CHRNB4: variants seen among roughly 807,000 people sequenced by gnomAD.
CHRNB4 encodes the protein neuronal acetylcholine receptor subunit beta-4.
Under a neutral mutation model 40.4 loss-of-function variants are expected in CHRNB4, and 23 were observed. The observed-to-expected ratio is 0.57, with a 90% CI of 0.41 to 0.81. The LOEUF (loss-of-function observed/expected upper bound fraction) is 0.81. Ranked by LOEUF, CHRNB4 falls within the 30% of genes least tolerant of loss-of-function variation. The pLI is 0.00. For missense variants in CHRNB4, 568 were observed against 670.6 expected, an observed-to-expected ratio of 0.85 and a Z score of 1.69; for synonymous variants, 285 against 274.4, an observed-to-expected ratio of 1.04 and a Z score of -0.38.
upstream of CHRNB4, chr15:78,661,489 T>G: frequency 1.9e-6 from 1 of 521,058 alleles, no homozygotes; most frequent in South Asian, 1.6e-5. Context: ...AATATGGAGT[T>G]GATTTGTCTG....
upstream of CHRNB4, among the ~76,000 whole-genome samples, chr15:78,644,245 G>T (rs2054106039): frequency 2.0e-5 from 3 of 150,816 alleles, no homozygotes; most frequent in South Asian, 6.3e-4. Context: ...CTTTCATGAA[G>T]AGTGTTGCTA....
chr15:78,656,541 AAC>A (rs1256121561), exon 4 of CHRNB4: 5 of 151,392 alleles, frequency 3.3e-5, no homozygotes, highest in African/African-American at 1.2e-4. Flanking sequence ...AGAATAAAGT[AAC>A]ACAAAGCAAA....
intron 7 of CHRNB4, among the ~76,000 whole-genome samples, chr15:78,647,573 GCA>G (rs1567137603): frequency 2.6e-5 from 4 of 151,618 alleles, no homozygotes; most frequent in Admixed American, 1.3e-4. Flanking sequence ...TCAGCCGGGT[GCA>G]GTGGCTCACG....
rs185140914 is a variant in CHRNB4 at position 78,651,686 on chromosome 15, G to C, written c.-16+892C>G. 2.6e-4 allele frequency among the ~76,000 whole-genome samples: 39 copies of C among 152,282 alleles called. No individual in the cohort carries two copies. In the East Asian group the frequency reaches 5.2e-3, roughly 20 times the overall value. ...AATCCCTTAGCCCATAACTCACATG[G>C]TTCTGTTTCTTCCCTGACTGAATCC... is the stretch of plus-strand genomic sequence containing the variant. On this transcript the variant is annotated intron_variant and NMD_transcript_variant, in intron 6 of 11. Coordinates refer to the CHRNB4 transcript ENST00000559849.
At chr15:78,653,167 T>A (rs774001908) in intron 5 of CHRNB4, among the ~76,000 whole-genome samples, 9 of 152,210 alleles carry the variant, frequency 5.9e-5, no homozygotes, top group Non-Finnish European at 1.2e-4. Flanking sequence ...AATAGTGGCA[T>A]GATCCTTTGA....
At chr15:78,659,007 A>G (rs1007550065) in intron 1 of CHRNB4, among the ~76,000 whole-genome samples, 3 of 152,224 alleles carry the variant, frequency 2.0e-5, no homozygotes, top group Admixed American at 6.5e-5. Flanking sequence ...CACATACATT[A>G]ACTGAGCATG....
chr15:78,650,183 G>T (rs2054160656), intron 6 of CHRNB4, among the ~76,000 whole-genome samples: 1 of 152,186 alleles, frequency 6.6e-6, no homozygotes, highest in African/African-American at 2.4e-5. Context: ...CTGGGGTTCT[G>T]CCCGTGACTG....
At chr15:78,637,809 T>G (rs2053985960) in intron 1 of CHRNB4, among the ~76,000 whole-genome samples, 1 of 152,196 alleles carries the variant, frequency 6.6e-6, no homozygotes, top group Non-Finnish European at 1.5e-5. Flanking sequence ...GTGCACCTGC[T>G]GCCTGCTGCC....
intron 1 of CHRNB4, among the ~76,000 whole-genome samples, chr15:78,638,534 A>G (rs1270930404): frequency 1.3e-5 from 2 of 151,972 alleles, no homozygotes; most frequent in African/African-American, 4.8e-5. Flanking sequence ...CTGTAAGGAG[A>G]CTGCCCCACA....
At chr15:78,635,851 C>T (rs2053937879) in intron 1 of CHRNB4, among the ~76,000 whole-genome samples, 1 of 152,200 alleles carries the variant, frequency 6.6e-6, no homozygotes, top group African/African-American at 2.4e-5. Context: ...ATATCTGGTA[C>T]AAAAGCTGGG....
At chr15:78,645,263 C>T (rs573192288), upstream of CHRNB4, among the ~76,000 whole-genome samples, 20 of 152,298 alleles carry the variant, frequency 1.3e-4, no homozygotes, top group Non-Finnish European at 2.6e-4. Context: ...CTTACCCTGG[C>T]TTGACTTGCC....
chr15:78,661,199 T>A, upstream of CHRNB4: 2 of 611,852 alleles, frequency 3.3e-6, no homozygotes, highest in Admixed American at 3.7e-5. Context: ...AAGAGCGGAA[T>A]GGTGCTGCTG....
At chr15:78,635,277 A>G (rs891834752) in intron 2 of CHRNB4, among the ~76,000 whole-genome samples, 162 bp downstream of exon 2, 5 of 152,166 alleles carry the variant, frequency 3.3e-5, no homozygotes, top group African/African-American at 1.2e-4. Context: ...TAAATATTGG[A>G]CACCTATGAA....
chr15:78,656,833 G>C (rs2054218069), intron 3 of CHRNB4: 1 of 152,212 alleles, frequency 6.6e-6, no homozygotes, highest in Non-Finnish European at 1.5e-5. Flanking sequence ...AGATCCTGCA[G>C]TGGGAAAAGA....
In CHRNB4 at chr15:78,624,252, A is replaced by G. The variant is rs1306257302; in HGVS notation, c.*881T>C. 6.6e-6 allele frequency: 1 copy of G among 152,336 alleles called. No individual in the cohort carries two copies. The highest frequency in any genetic ancestry group is 1.5e-5 in the Non-Finnish European group (1 of 68,116). 9.4% of individuals were successfully genotyped at this position (152,336 alleles called of 1,614,324 possible). A position where few individuals can be genotyped will look rare whatever the true frequency, so the allele number is the denominator to read the frequency against. ...AGTGGGTGAGCTGTGGATGACATACATGCCACCAGATAAGAGCGACAGGTA... is the reference window on the plus strand; with the variant it reads ...AGTGGGTGAGCTGTGGATGACATACGTGCCACCAGATAAGAGCGACAGGTA... On this transcript the variant is annotated 3_prime_UTR_variant, in exon 6 of 6. Coordinates refer to ENST00000261751, the MANE Select transcript of CHRNB4 (RefSeq NM_000750.5).
At chr15:78,643,925 G>A (rs1037274398), upstream of CHRNB4, among the ~76,000 whole-genome samples, 9 of 151,614 alleles carry the variant, frequency 5.9e-5, no homozygotes, top group Middle Eastern at 3.4e-3. Context: ...TGAGGCGGGC[G>A]GATCACGATG....
At position 78,635,520 on chromosome 15, in the gene CHRNB4, A is replaced by G; in HGVS notation, c.123T>C (p.Asn41=). ...AGCTGGTGGCTGGGCGGATCAGGTT[A>G]TTGTAACGGGTTTTGTTCAGAAGGT... ...MDDLLNKTRY[N]NLIRPATSSS... Residue 41 remains asparagine (N), a synonymous_variant, in exon 2 of 6, where the codon AAT becomes AAC. Transcript: ENST00000261751. The G allele has an allele frequency of 6.2e-7, 1 of 1,614,112 alleles. No homozygotes were observed. Among genetic ancestry groups the G allele is most frequent in the Non-Finnish European group, 8.5e-7 (1 of 1,180,018 alleles).
chr15:78,648,013 A>T (rs572633157), intron 7 of CHRNB4, among the ~76,000 whole-genome samples: 6 of 152,228 alleles, frequency 3.9e-5, no homozygotes, highest in Admixed American at 1.3e-4. Context: ...TGCCAAGATG[A>T]TAGTATGAAG....
intron 7 of CHRNB4, among the ~76,000 whole-genome samples, chr15:78,648,750 T>G (rs1397268849): frequency 8.2e-6 from 1 of 122,134 alleles, no homozygotes. Context: ...TGAGACTCTG[T>G]CTCAAAAAAA....
Sources: gnomAD v4.1 joint callset for allele counts (sites outside exome capture counted in the v4.1 genomes callset) on GRCh38, gnomAD v4.1.1 for gene constraint, MANE v1.5 for transcripts, NCBI Gene and HGNC (gene_info 2026-07-23, HGNC 2026-07-21) for gene names.